Variants in SLC17A3 observed in about 807,000 individuals in gnomAD.
The protein encoded by SLC17A3 is sodium-dependent phosphate transport protein 4.
In SLC17A3, 61 loss-of-function variants were observed where a neutral mutation model predicts 60.3. The ratio of observed to expected loss-of-function variants is 1.01; its 90% CI spans 0.82 to 1.25. The LOEUF is 1.25. Ranked by LOEUF, SLC17A3 falls within the 50% of genes most tolerant of loss-of-function variation. The probability of loss-of-function intolerance (pLI) is 0.00; values close to 1 mark genes in which losing one functional copy is unlikely to be tolerated. For missense variants in SLC17A3, 624 were observed against 594.9 expected (o/e 1.05, Z -0.51); for synonymous variants, 192 against 208.9 (o/e 0.92, Z 0.70).
In SLC17A3 at chr6:25,845,148, CA is replaced by C. The variant is rs1009126776; in HGVS notation, c.*152del. 4.0e-4 allele frequency: 188 copies of C among 472,780 alleles called. No homozygotes were observed. Among genetic ancestry groups the C allele is most frequent in the Middle Eastern group, 5.7e-4 (1 of 1,766 alleles). The allele number at this position is 472,780 out of a possible 1,614,324, so 29.3% of individuals were successfully genotyped here. ...ATTTTTATTCATCTTACATTTCTCT[CA>C]AAAAAAAGTCTGAATAAAATAATGA... On this transcript the variant is annotated 3_prime_UTR_variant, in exon 13 of 13. Coordinates refer to ENST00000397060, the MANE Select transcript of SLC17A3 (RefSeq NM_001098486.2).
chr6:25,857,849 T>C (rs912618602), intron 5 of SLC17A3, among the ~76,000 whole-genome samples: 3 of 152,168 alleles, frequency 2.0e-5, no homozygotes, highest in African/African-American at 7.2e-5. Context: ...GGTTCCTGCA[T>C]TGCATCCATC....
intron 2 of SLC17A3, 26 bp from the exon 3 acceptor site, chr6:25,862,470 G>C: frequency 6.4e-7 from 1 of 1,560,768 alleles, no homozygotes; most frequent in Non-Finnish European, 8.8e-7. Context: ...CATCATATTA[G>C]TGTTTTTTAA....
chr6:25,859,280 A>C (rs1165168), intron 5 of SLC17A3, among the ~76,000 whole-genome samples: 23,327 of 152,168 alleles, frequency 0.15, 2,201 homozygotes, highest in African/African-American at 0.27. Context: ...TGAGTCTCTG[A>C]ACATTCATGG....
At chr6:25,848,525 G>A (rs1765216894) in intron 11 of SLC17A3, among the ~76,000 whole-genome samples, 1 of 152,030 alleles carries the variant, frequency 6.6e-6, no homozygotes, top group Admixed American at 6.5e-5. Context: ...AACAAATAGT[G>A]CTGGGATAAT....
At chr6:25,859,255 C>A (rs989764685) in intron 5 of SLC17A3, among the ~76,000 whole-genome samples, 3 of 152,094 alleles carry the variant, frequency 2.0e-5, no homozygotes, top group Non-Finnish European at 4.4e-5. Context: ...ATTAGTCAGG[C>A]AATGATTTTA....
At chr6:25,856,170 G>GT (rs200823257) in intron 5 of SLC17A3, among the ~76,000 whole-genome samples, 260 of 151,352 alleles carry the variant, frequency 1.7e-3, no homozygotes, top group Middle Eastern at 6.8e-3. Flanking sequence ...AAAATATTGG[G>GT]TTTTTTTTTC....
intron 11 of SLC17A3, among the ~76,000 whole-genome samples, chr6:25,847,967 G>T (rs1765206297): frequency 6.6e-6 from 1 of 152,024 alleles, no homozygotes; most frequent in Non-Finnish European, 1.5e-5. Context: ...TCACAGTTTA[G>T]CTCCCACTTG....
rs1484226961 is a variant in SLC17A3, at chr6:25,850,151, A to G, written c.1020T>C (p.Phe340=). 1.2e-6 allele frequency: 2 copies of G among 1,613,598 alleles called. No homozygotes were observed. Among genetic ancestry groups the G allele is most frequent in the Non-Finnish European group, 1.7e-6 (2 of 1,179,650 alleles). Residue 340 remains phenylalanine (F), a synonymous_variant, in exon 9 of 13, where the codon TTT becomes TTC. Transcript: ENST00000397060. ...RDNGLLSALP[F]IVAWVIGMVG... ...CCATGCCTATGACCCAGGCAACAAT[A>G]AAAGGAAGGGCAGATAGAAGTCCAT...
At chr6:25,853,304 T>C (rs1765308881) in intron 6 of SLC17A3, among the ~76,000 whole-genome samples, 2 of 151,178 alleles carry the variant, frequency 1.3e-5, no homozygotes, top group South Asian at 4.2e-4. Flanking sequence ...TCTCTCTCTC[T>C]CCATCTGGCT....
At chr6:25,847,721 T>C (rs999668619) in intron 11 of SLC17A3, among the ~76,000 whole-genome samples, 2 of 151,876 alleles carry the variant, frequency 1.3e-5, no homozygotes, top group Non-Finnish European at 2.9e-5. Flanking sequence ...TTAAAAATTT[T>C]TTATTTTATT....
intron 11 of SLC17A3, among the ~76,000 whole-genome samples, chr6:25,846,604 T>C (rs1323428652): frequency 1.3e-5 from 2 of 152,032 alleles, no homozygotes; most frequent in African/African-American, 4.8e-5. Context: ...GATGGAAATA[T>C]TCTTTTCTTT....
intron 2 of SLC17A3, among the ~76,000 whole-genome samples, chr6:25,866,680 T>C (rs1162319300): frequency 6.6e-6 from 1 of 151,954 alleles, no homozygotes; most frequent in African/African-American, 2.4e-5. Flanking sequence ...ACAAAATTTA[T>C]CATGAGACTA....
chr6:25,866,222 C>A (rs1040226780), intron 2 of SLC17A3, among the ~76,000 whole-genome samples: 1 of 151,934 alleles, frequency 6.6e-6, no homozygotes, highest in African/African-American at 2.4e-5. Context: ...TTCATGTGGG[C>A]TTGATGAAGT....
intron 2 of SLC17A3, among the ~76,000 whole-genome samples, chr6:25,864,225 A>G (rs565598332): frequency 2.2e-4 from 34 of 152,052 alleles, no homozygotes; most frequent in African/African-American, 7.7e-4. Flanking sequence ...AAGCTAGATC[A>G]TGAGGCCTGA....
chr6:25,848,282 C>G (rs927919176), intron 11 of SLC17A3, among the ~76,000 whole-genome samples: 1 of 152,162 alleles, frequency 6.6e-6, no homozygotes, highest in Non-Finnish European at 1.5e-5. Context: ...ATGGCTGGAT[C>G]AAACAGTAGT....
intron 11 of SLC17A3, among the ~76,000 whole-genome samples, chr6:25,848,263 A>G (rs775554962): frequency 1.3e-5 from 2 of 152,352 alleles, no homozygotes; most frequent in East Asian, 1.9e-4. Flanking sequence ...GTAGAAACCC[A>G]GTAGTGGGAT....
In SLC17A3 at chr6:25,862,247, T is replaced by A; in HGVS notation, c.289A>T (p.Ser97Cys). The A allele has an allele frequency of 6.2e-7, 1 of 1,613,214 alleles. No individual in the cohort carries two copies. The highest frequency in any genetic ancestry group is 1.1e-5 in the South Asian group (1 of 91,056). Residue 97 changes from serine (S) to cysteine (C), a missense_variant, in exon 3 of 13, where the codon AGT becomes TGT. Ser to Cys is a moderately radical substitution (Grantham distance 112). Transcript: ENST00000397060. ...SFGGLSKAPK[S>C]LPAKAPVYDW... is the part of the protein sequence containing the mutation. ...ATGTTGCTTACCTTTGCAGGAAGAC[T>A]CTTTGGGGCTTTACTTAGGCCACCA... is the stretch of plus-strand genomic sequence containing the variant.
chr6:25,849,595 T>A, intron 10 of SLC17A3, 131 bp from the exon 11 acceptor site: 1 of 742,640 alleles, frequency 1.3e-6, no homozygotes, highest in Admixed American at 2.2e-5. Flanking sequence ...GACAATTATA[T>A]CAAAAAGGAC....
chr6:25,872,530 T>C (rs1325699180), intron 1 of SLC17A3, among the ~76,000 whole-genome samples: 1 of 149,672 alleles, frequency 6.7e-6, no homozygotes, highest in African/African-American at 2.4e-5. Flanking sequence ...CATATAGAAA[T>C]AGATATGTAG....
Sources: allele counts gnomAD v4.1 joint callset (sites outside exome capture counted in the v4.1 genomes callset), GRCh38; gene constraint gnomAD v4.1.1; transcripts MANE v1.5; gene names NCBI Gene and HGNC (gene_info 2026-07-23, HGNC 2026-07-21).